KLHL2: variants seen among roughly 807,000 people sequenced by gnomAD.
KLHL2 encodes the protein kelch like family member 2.
KLHL2 carries 15 observed loss-of-function variants against 75.8 expected under a neutral mutation model. That is an observed-to-expected ratio of 0.20 (90% confidence interval 0.13 to 0.30). The LOEUF (loss-of-function observed/expected upper bound fraction) is 0.30. KLHL2 is among the 10% of genes least tolerant of loss of function. The pLI, the probability that KLHL2 is intolerant of heterozygous loss-of-function variation, is 1.00. For synonymous variants in KLHL2, 214 were observed against 251.9 expected, an observed-to-expected ratio of 0.85 and a Z score of 1.42; for missense variants, 381 against 741.0, an observed-to-expected ratio of 0.51 and a Z score of 5.64.
chr4:165,297,574 T>A, intron 6 of KLHL2, 35 bp from the exon 7 acceptor site: 1 of 1,253,226 alleles, frequency 8.0e-7, no homozygotes, highest in Non-Finnish European at 1.2e-6. Flanking sequence ...ACACAACTCA[T>A]TTCTTATTTT....
At chr4:165,251,834 C>T (rs1474815982) in intron 4 of KLHL2, among the ~76,000 whole-genome samples, 10 of 151,968 alleles carry the variant, frequency 6.6e-5, no homozygotes, top group African/African-American at 2.2e-4. Context: ...TGGTCTCGAT[C>T]TCCTGACCTC....
In KLHL2 at chr4:165,319,606, C is replaced by T. The variant is rs992360638; in HGVS notation, c.1753+1637C>T. Among the ~76,000 whole-genome samples, 3 of 152,032 alleles carry T rather than the reference C, an allele frequency of 2.0e-5. No individual in the cohort carries two copies. The highest frequency in any genetic ancestry group is 4.4e-5 in the Non-Finnish European group (3 of 67,992). On this transcript the variant is annotated intron_variant, in intron 14 of 14. Transcript: ENST00000226725. The surrounding 1 kb of genome is among the most constrained non-coding windows in gnomAD (Gnocchi z 4.5). ...CCCTTTTTATCTTGTGTTGAACATG[C>T]AGCTTTTATGTGGGTGCAGGATTTT...
intron 4 of KLHL2, among the ~76,000 whole-genome samples, chr4:165,241,930 T>C (rs919857788): frequency 4.6e-5 from 7 of 152,228 alleles, no homozygotes; most frequent in African/African-American, 1.7e-4. Context: ...CCCTTCTGAT[T>C]TATACAAGCA....
intron 5 of KLHL2, among the ~76,000 whole-genome samples, chr4:165,289,190 A>G (rs1315089466): frequency 1.3e-5 from 2 of 152,170 alleles, no homozygotes; most frequent in Non-Finnish European, 2.9e-5. Flanking sequence ...TTGAAGAAAT[A>G]TACAGTTAAT....
rs545984138 is a variant in KLHL2, at chr4:165,321,633, G to C, written c.1754-399G>C. ...GTCAGCACCCCTGACCCCCATGTCG[G>C]TTCAAGGGTCAACTGTATATTTAAA... On this transcript the variant is annotated intron_variant, in intron 14 of 14. Coordinates refer to ENST00000226725, the MANE Select transcript of KLHL2 (RefSeq NM_007246.4). Among the ~76,000 whole-genome samples, 4 of 152,220 alleles carry C rather than the reference G, an allele frequency of 2.6e-5. No homozygotes were observed. The South Asian group carries it at 8.3e-4, about 32-fold the overall frequency.
At chr4:165,210,248 G>A (rs1737114766) in intron 1 of KLHL2, 4 of 1,414,338 alleles carry the variant, frequency 2.8e-6, no homozygotes, top group Non-Finnish European at 3.9e-6. Context: ...CTGGCACTGT[G>A]CGTGGTGCTT....
intron 5 of KLHL2, chr4:165,279,466 A>C (rs1300985462): frequency 1.3e-6 from 2 of 1,599,818 alleles, no homozygotes; most frequent in Non-Finnish European, 8.6e-7. Flanking sequence ...CAGAATGTAG[A>C]ATTTCCTTAG....
intron 11 of KLHL2, 152 bp from the exon 12 acceptor site, chr4:165,313,086 C>A (rs1000606426): frequency 7.4e-5 from 50 of 675,450 alleles, no homozygotes; most frequent in Non-Finnish European, 1.1e-4. Context: ...TAGGCAAGAC[C>A]CTAATATATT....
chr4:165,286,506 G>A (rs1333996557), intron 5 of KLHL2, among the ~76,000 whole-genome samples: 6 of 152,096 alleles, frequency 3.9e-5, no homozygotes, highest in Admixed American at 2.0e-4. Flanking sequence ...TTTTAGGGAG[G>A]TAAAGGAGGC....
intron 5 of KLHL2, chr4:165,279,595 G>A (rs767685586): frequency 6.2e-7 from 1 of 1,608,924 alleles, no homozygotes; most frequent in South Asian, 1.1e-5. Context: ...TGGTGCCTTG[G>A]TCCACTGCCC....
Position 165,268,337 on chromosome 4 carries a change from T to G in KLHL2, c.544+4978T>G, listed in dbSNP as rs551306781. 2.0e-5 allele frequency among the ~76,000 whole-genome samples: 3 copies of G among 152,336 alleles called. No individual in the cohort carries two copies. In the South Asian group the frequency reaches 6.2e-4, roughly 32 times the overall value. Reference sequence around the variant, plus strand: ...TTCAGTTCTGCTCTGATCTTAGTTATTTCTTGTCTTCTGCTAGCTTTTGAA... The same window carrying G: ...TTCAGTTCTGCTCTGATCTTAGTTAGTTCTTGTCTTCTGCTAGCTTTTGAA... On this transcript the variant is annotated intron_variant, in intron 5 of 14. Coordinates refer to ENST00000226725, the MANE Select transcript of KLHL2 (RefSeq NM_007246.4).
chr4:165,239,227 A>G (rs1237745925), intron 4 of KLHL2, among the ~76,000 whole-genome samples: 1 of 151,384 alleles, frequency 6.6e-6, no homozygotes, highest in African/African-American at 2.4e-5. Context: ...ATAGTCTACA[A>G]AGTATGTTTT....
intron 1 of KLHL2, among the ~76,000 whole-genome samples, chr4:165,216,676 A>G (rs927233246): frequency 1.3e-5 from 2 of 152,194 alleles, no homozygotes; most frequent in African/African-American, 4.8e-5. Flanking sequence ...TTTAGACATT[A>G]TGCATCATTT....
At chr4:165,210,041 A>G in intron 1 of KLHL2, 1 of 1,548,750 alleles carries the variant, frequency 6.5e-7, no homozygotes, top group Non-Finnish European at 8.7e-7. Context: ...GGGCTAGAAC[A>G]GAGGCCAGTG....
At chr4:165,277,783 A>C in intron 5 of KLHL2, 1 of 598,366 alleles carries the variant, frequency 1.7e-6, no homozygotes, top group Non-Finnish European at 3.0e-6. Flanking sequence ...ACACACACAC[A>C]CACCAAATAT....
chr4:165,289,258 T>C (rs891182231), intron 5 of KLHL2, among the ~76,000 whole-genome samples: 1 of 152,158 alleles, frequency 6.6e-6, no homozygotes, highest in Non-Finnish European at 1.5e-5. Flanking sequence ...TGTTGCCAAA[T>C]AGTGCCCTCT....
chr4:165,253,101 G>A (rs1260889546), intron 4 of KLHL2, among the ~76,000 whole-genome samples: 3 of 151,988 alleles, frequency 2.0e-5, no homozygotes, highest in African/African-American at 7.3e-5. Context: ...GTGCGATCTC[G>A]GCTCACTGCA....
At chr4:165,263,956 A>G (rs1051930825) in intron 5 of KLHL2, among the ~76,000 whole-genome samples, 4 of 151,914 alleles carry the variant, frequency 2.6e-5, no homozygotes, top group Non-Finnish European at 5.9e-5. Flanking sequence ...TCCATGGCCT[A>G]CTGCTACTGC....
chr4:165,280,865 G>GT (rs1162870804), intron 5 of KLHL2, among the ~76,000 whole-genome samples: 5 of 152,110 alleles, frequency 3.3e-5, no homozygotes, highest in Non-Finnish European at 7.4e-5. Context: ...GACATACATG[G>GT]TTTTTTTCTC....
Sources: allele counts gnomAD v4.1 joint callset (sites outside exome capture counted in the v4.1 genomes callset), GRCh38; gene constraint gnomAD v4.1.1; non-coding constraint Gnocchi (gnomAD v3.1); transcripts MANE v1.5; gene names NCBI Gene and HGNC (gene_info 2026-07-23, HGNC 2026-07-21).